The following DIP2C variants were observed in gnomAD, a reference collection of about 807,000 sequenced individuals.
The protein encoded by DIP2C is DIP2 acetate--CoA ligase C (putative).
In DIP2C, 33 loss-of-function variants were observed where a neutral mutation model predicts 192.4. The observed-to-expected ratio is 0.17, with a 90% CI of 0.13 to 0.23. The LOEUF is 0.23. Ranked by LOEUF, DIP2C falls within the 10% of genes least tolerant of loss-of-function variation. The pLI is 1.00. For missense variants in DIP2C, 1,537 were observed against 2,110.1 expected (o/e 0.73, Z 5.32); for synonymous variants, 979 against 864.1 (o/e 1.13, Z -2.33).
chr10:504,484 G>C (rs1159190950), intron 1 of DIP2C, among the ~76,000 whole-genome samples: 4 of 152,214 alleles, frequency 2.6e-5, no homozygotes, highest in Non-Finnish European at 5.9e-5. Context: ...AGCCACCTTA[G>C]GCCGGGAGAG....
chr10:350,803 C>T (rs752392610), intron 24 of DIP2C, among the ~76,000 whole-genome samples: 10 of 152,074 alleles, frequency 6.6e-5, no homozygotes, highest in Non-Finnish European at 1.3e-4. Flanking sequence ...CACACCAACA[C>T]GCCCAACTAA....
At chr10:392,643 C>T (rs776418530) in intron 10 of DIP2C, among the ~76,000 whole-genome samples, 3 of 152,214 alleles carry the variant, frequency 2.0e-5, no homozygotes, top group Non-Finnish European at 4.4e-5. Context: ...CAGCACTTAA[C>T]CATGTCTCAC....
Position 419,149 on chromosome 10 carries a change from T to G in DIP2C, c.655A>C (p.Ile219Leu), listed in dbSNP as rs760064790. 1.2e-6 allele frequency: 2 copies of G among 1,614,244 alleles called. No individual in the cohort carries two copies. Among genetic ancestry groups the G allele is most frequent in the South Asian group, 2.2e-5 (2 of 91,084 alleles). ...GAACCCTGCGGTCTCTCCACCTGTATCGAGTGCTCTGAGGTGTACGTGGTT... is the reference window on the plus strand; with the variant it reads ...GAACCCTGCGGTCTCTCCACCTGTAGCGAGTGCTCTGAGGTGTACGTGGTT... ...DVTTYTSEHS[I>L]QVERPQGSTG... The change falls in exon 6 of 37, where the codon ATA (isoleucine) becomes CTA (leucine). Residue 219 changes from isoleucine (I) to leucine (L), a missense_variant. Ile to Leu is a conservative substitution (Grantham distance 5). Around this residue, in one of 4 missense-constraint regions of DIP2C, gnomAD observed 473 missense variants for 539.6 expected, o/e 0.88. Coordinates refer to ENST00000280886, the MANE Select transcript of DIP2C (RefSeq NM_014974.3).
chr10:570,960 C>A (rs764607142), intron 1 of DIP2C, among the ~76,000 whole-genome samples: 2 of 152,246 alleles, frequency 1.3e-5, no homozygotes, highest in Non-Finnish European at 2.9e-5. Flanking sequence ...TTCCAGCGCA[C>A]GACTCCCACC....
intron 31 of DIP2C, chr10:311,640 A>C: frequency 5.2e-6 from 6 of 1,145,696 alleles, no homozygotes; most frequent in Non-Finnish European, 6.6e-6. Flanking sequence ...CACACAACAC[A>C]CACAGACACA....
intron 1 of DIP2C, among the ~76,000 whole-genome samples, chr10:493,089 C>T (rs912685933): frequency 6.6e-6 from 1 of 152,214 alleles, no homozygotes; most frequent in Admixed American, 6.5e-5. Flanking sequence ...CGAAACACCC[C>T]CTCCCTTCCA....
chr10:300,781 A>C (rs1461566694), intron 32 of DIP2C, among the ~76,000 whole-genome samples: 1 of 142,656 alleles, frequency 7.0e-6, no homozygotes, highest in Non-Finnish European at 1.5e-5. Flanking sequence ...GGCGGCCCTG[A>C]GCGTGTGGAG....
intron 31 of DIP2C, among the ~76,000 whole-genome samples, chr10:316,134 C>G (rs191415186): frequency 6.6e-6 from 1 of 152,308 alleles, no homozygotes; most frequent in Admixed American, 6.5e-5. Flanking sequence ...TGCAGCATGT[C>G]TCTTCTACTG....
chr10:319,546 CAA>C (rs370945009), intron 31 of DIP2C, among the ~76,000 whole-genome samples: 1 of 152,148 alleles, frequency 6.6e-6, no homozygotes, highest in Non-Finnish European at 1.5e-5. Context: ...TCTAATGCAA[CAA>C]AAGACCTTCC....
chr10:676,177 T>C (rs1456443522), intron 1 of DIP2C, among the ~76,000 whole-genome samples: 1 of 152,196 alleles, frequency 6.6e-6, no homozygotes, highest in Non-Finnish European at 1.5e-5. Context: ...ATCATTTCAA[T>C]AGATACAGAA....
chr10:479,643 C>T (rs538716303), intron 2 of DIP2C, among the ~76,000 whole-genome samples: 3 of 152,126 alleles, frequency 2.0e-5, no homozygotes, highest in Non-Finnish European at 4.4e-5. Flanking sequence ...CCCACACTGT[C>T]CTCCTTTCTA....
At chr10:614,127 CTT>C (rs2131796383) in intron 1 of DIP2C, among the ~76,000 whole-genome samples, 1 of 152,358 alleles carries the variant, frequency 6.6e-6, no homozygotes, top group East Asian at 1.9e-4. Context: ...GCTGCATTCT[CTT>C]TGCCATGCAC....
intron 31 of DIP2C, among the ~76,000 whole-genome samples, chr10:321,217 C>G (rs1217726675): frequency 6.6e-6 from 1 of 152,200 alleles, no homozygotes; most frequent in South Asian, 2.1e-4. Flanking sequence ...GTCCAGGCGC[C>G]AAGTCAGCAC....
chr10:367,612 AAC>A (rs1347752625), intron 18 of DIP2C, among the ~76,000 whole-genome samples: 4 of 152,276 alleles, frequency 2.6e-5, no homozygotes, highest in African/African-American at 7.2e-5. Flanking sequence ...TTCTCTTTGA[AAC>A]ACAACTCCCA....
chr10:370,245 G>A (rs992607620), intron 17 of DIP2C, among the ~76,000 whole-genome samples: 1 of 152,230 alleles, frequency 6.6e-6, no homozygotes, highest in African/African-American at 2.4e-5. Flanking sequence ...TGTGGGTCAG[G>A]AGAAGACGGG....
chr10:409,042 T>C lies in DIP2C; in HGVS notation c.1058-25A>G, dbSNP rs1472694489. On this transcript the variant is annotated intron_variant, in intron 8 of 36. Transcript: ENST00000280886. ...CCTATGAATACAAATCACAGACAAA[T>C]GTGCGTATTAAACCATACGGAGAGC... The C allele has an allele frequency of 1.1e-5, 18 of 1,611,524 alleles. No individual in the cohort carries two copies. In the East Asian group the frequency reaches 3.8e-4, roughly 34 times the overall value.
chr10:417,819 G>A lies in DIP2C; in HGVS notation c.739+1246C>T, dbSNP rs371166973. On this transcript the variant is annotated intron_variant, in intron 6 of 36. Transcript: ENST00000280886. ...CTCCCTGTCCACCTGTTCCTGTCAG[G>A]GCGCGGACAGGCCTCCCTGTCCACC... is the stretch of plus-strand genomic sequence containing the variant. 2.4e-3 allele frequency among the ~76,000 whole-genome samples: 65 copies of A among 27,418 alleles called. 12 individuals are homozygous for A. The highest frequency in any genetic ancestry group is 3.3e-3 in the African/African-American group (24 of 7,370). 18.0% of individuals were successfully genotyped at this position (27,418 alleles called of 152,430 possible).
At chr10:631,152 A>G (rs759471356) in intron 1 of DIP2C, 5 of 152,276 alleles carry the variant, frequency 3.3e-5, no homozygotes, top group African/African-American at 4.8e-5. Flanking sequence ...AAACTTGCTT[A>G]AAGTATTAAT....
rs1407894918 is a variant in DIP2C, at chr10:584,927, C to G, written c.86-98397G>C. On this transcript the variant is annotated intron_variant, in intron 1 of 36. Coordinates refer to ENST00000280886, the MANE Select transcript of DIP2C (RefSeq NM_014974.3). ...CTCAGGGCCCGCGACCTGACCCCCA[C>G]TCACGCGCATCACCTCTCAATCTCG... Among the ~76,000 whole-genome samples the G allele has an allele frequency of 3.7e-5, 5 of 135,692 alleles. No individual in the cohort carries two copies. The East Asian group carries it at 1.2e-3, about 33-fold the overall frequency. The allele number at this position is 135,692 out of a possible 152,430, so 89.0% of individuals were successfully genotyped here.
Sources: gnomAD v4.1 joint callset for allele counts (sites outside exome capture counted in the v4.1 genomes callset) on GRCh38, gnomAD v4.1.1 for gene constraint, gnomAD v4.1.1 regional missense constraint, MANE v1.5 for transcripts, NCBI Gene and HGNC (gene_info 2026-07-23, HGNC 2026-07-21) for gene names.